DLGAP2: variants seen among roughly 807,000 people sequenced by gnomAD.
The protein encoded by DLGAP2 is DLG associated protein 2.
Under a neutral mutation model 100.3 loss-of-function variants are expected in DLGAP2, and 26 were observed. The ratio of observed to expected loss-of-function variants is 0.26; its 90% CI spans 0.19 to 0.36. DLGAP2 has a LOEUF of 0.36. Ranked by LOEUF, DLGAP2 falls within the 10% of genes least tolerant of loss-of-function variation. The pLI is 1.00. For missense variants in DLGAP2, 1,858 were observed against 1,453.2 expected, an observed-to-expected ratio of 1.28 and a Z score of -4.53; for synonymous variants, 886 against 630.1, an observed-to-expected ratio of 1.41 and a Z score of -6.08.
At chr8:1,289,757 C>T (rs745429050) in intron 3 of DLGAP2, among the ~76,000 whole-genome samples, 13 of 152,166 alleles carry the variant, frequency 8.5e-5, no homozygotes, top group South Asian at 2.1e-4. Context: ...CGGCCTCCCC[C>T]GCGAATGCAG....
chr8:1,275,607 T>A lies in DLGAP2; in HGVS notation c.106+16724T>A, dbSNP rs75915801. ...ACAAAAAGATAATGCAAAACCTCTA[T>A]TTGTAAGAAGTTTATAGGAAAAGGG... On this transcript the variant is annotated intron_variant, in intron 3 of 14. Coordinates refer to ENST00000637795, the MANE Select transcript of DLGAP2 (RefSeq NM_001346810.2). 1.5e-3 allele frequency among the ~76,000 whole-genome samples: 224 copies of A among 150,334 alleles called. 2 individuals carry two copies. The East Asian group carries it at 0.034, about 23-fold the overall frequency.
At chr8:1,525,425 TC>T (rs1800760392) in intron 4 of DLGAP2, among the ~76,000 whole-genome samples, 1 of 152,202 alleles carries the variant, frequency 6.6e-6, no homozygotes, top group African/African-American at 2.4e-5. Flanking sequence ...ATCCATTTTT[TC>T]TGAGCTGCGC....
intron 13 of DLGAP2, among the ~76,000 whole-genome samples, chr8:1,693,875 T>C (rs1368623863): frequency 1.3e-5 from 2 of 152,186 alleles, no homozygotes; most frequent in Non-Finnish European, 2.9e-5. Flanking sequence ...CTGTGAACGT[T>C]CTTGCCTCCT....
At chr8:1,424,539 G>C (rs1797186590) in intron 3 of DLGAP2, among the ~76,000 whole-genome samples, 1 of 152,228 alleles carries the variant, frequency 6.6e-6, no homozygotes, top group South Asian at 2.1e-4. Flanking sequence ...GAACCCTGAG[G>C]ACACTATGCT....
intron 5 of DLGAP2, among the ~76,000 whole-genome samples, chr8:1,564,377 A>G (rs933858003): frequency 2.6e-5 from 4 of 152,132 alleles, no homozygotes; most frequent in Admixed American, 6.5e-5. Context: ...TGTCATCTTC[A>G]TGGTTTACCC....
At chr8:1,143,572 A>G (rs755354220) in intron 2 of DLGAP2, among the ~76,000 whole-genome samples, 3 of 152,172 alleles carry the variant, frequency 2.0e-5, no homozygotes, top group Non-Finnish European at 4.4e-5. Flanking sequence ...CTCAGGACTC[A>G]GCCCCGGGCT....
chr8:1,301,388 C>G (rs907830689), intron 3 of DLGAP2: 1 of 152,214 alleles, frequency 6.6e-6, no homozygotes, highest in Non-Finnish European at 1.5e-5. Context: ...GCTGCAAGTT[C>G]TGCTCTCAAC....
At chr8:1,473,382 G>A (rs1798852730) in intron 3 of DLGAP2, among the ~76,000 whole-genome samples, 1 of 152,252 alleles carries the variant, frequency 6.6e-6, no homozygotes, top group Non-Finnish European at 1.5e-5. Context: ...AGCCTGCAGT[G>A]AGGGAGAATC....
chr8:1,079,961 A>G (rs1054806655), intron 2 of DLGAP2, among the ~76,000 whole-genome samples: 1 of 152,178 alleles, frequency 6.6e-6, no homozygotes, highest in African/African-American at 2.4e-5. Flanking sequence ...CTCCTCTCTA[A>G]CGTGGGTCCT....
chr8:1,047,232 A>G (rs1802540818), intron 2 of DLGAP2, among the ~76,000 whole-genome samples: 1 of 152,218 alleles, frequency 6.6e-6, no homozygotes, highest in South Asian at 2.1e-4. Flanking sequence ...GAAAGGAAAC[A>G]TACAATATGC....
intron 2 of DLGAP2, among the ~76,000 whole-genome samples, chr8:1,081,915 T>A (rs1216475333): frequency 6.6e-6 from 1 of 152,160 alleles, no homozygotes; most frequent in Non-Finnish European, 1.5e-5. Flanking sequence ...CCTGGCCACT[T>A]ACTCCCCAAT....
intron 2 of DLGAP2, among the ~76,000 whole-genome samples, chr8:1,142,659 CAGCTGTTCCGTTGGCCGTTGG>C (rs879502833): frequency 5.1e-4 from 78 of 152,236 alleles, no homozygotes; most frequent in Non-Finnish European, 7.6e-4. Flanking sequence ...GAAGTGGTAA[CAGCTGTTCCGTTGGCCGTTGG>C]AACGGCTTTG....
In DLGAP2 at chr8:1,325,244, G is replaced by T. The variant is rs1052329932; in HGVS notation, c.106+66361G>T. The stretch of plus-strand genomic sequence containing the variant: ...TGTCGCAATGAGACAGTCATTCCAC[G>T]ACCCCAAGAGTGAGATGTCCGATGG... On this transcript the variant is annotated intron_variant, in intron 3 of 14. Transcript: ENST00000637795. 4.6e-5 allele frequency among the ~76,000 whole-genome samples: 7 copies of T among 152,172 alleles called. 1 individual carries two copies. The highest frequency in any genetic ancestry group is 1.7e-4 in the African/African-American group (7 of 41,446).
In DLGAP2 at chr8:1,422,365, G is replaced by A. The variant is rs568085101; in HGVS notation, c.107-79001G>A. Among the ~76,000 whole-genome samples the A allele has an allele frequency of 3.3e-5, 5 of 152,272 alleles. No homozygotes were observed. In the East Asian group the frequency reaches 7.7e-4, roughly 24 times the overall value. ...TGTGAAATTTCCGTCCACTGCAAGC[G>A]AAGTTACACAACTCAAGTCTTAATG... is the stretch of plus-strand genomic sequence containing the variant. On this transcript the variant is annotated intron_variant, in intron 3 of 14. Transcript: ENST00000637795.
chr8:876,666 C>T (rs1797691456), intron 1 of DLGAP2, among the ~76,000 whole-genome samples: 1 of 152,088 alleles, frequency 6.6e-6, no homozygotes, highest in Admixed American at 6.6e-5. Context: ...TGGATGTGTA[C>T]ATTATTGTTT....
chr8:980,786 G>GCTGAGC (rs1231674554), intron 2 of DLGAP2, among the ~76,000 whole-genome samples: 1 of 152,114 alleles, frequency 6.6e-6, no homozygotes, highest in Admixed American at 6.6e-5. Context: ...ACAGGTGGCA[G>GCTGAGC]CTGAGCGTTT....
chr8:1,384,289 G>A (rs949211921), intron 3 of DLGAP2, among the ~76,000 whole-genome samples: 4 of 152,196 alleles, frequency 2.6e-5, no homozygotes, highest in African/African-American at 7.2e-5. Context: ...CTCCTCTGCC[G>A]TGGCCTATGC....
At chr8:1,096,577 T>C (rs557141028) in intron 2 of DLGAP2, among the ~76,000 whole-genome samples, 191 of 118,800 alleles carry the variant, frequency 1.6e-3, no homozygotes, top group South Asian at 0.012. Context: ...GCTGGGAGCC[T>C]AGGGCAGGCC....
chr8:983,648 A>G (rs572723892), intron 2 of DLGAP2, among the ~76,000 whole-genome samples: 5 of 152,280 alleles, frequency 3.3e-5, no homozygotes, highest in African/African-American at 1.2e-4. Flanking sequence ...TTTTTTAATT[A>G]AAAGAAGTTT....
Sources: gnomAD v4.1 joint callset for allele counts (sites outside exome capture counted in the v4.1 genomes callset) on GRCh38, gnomAD v4.1.1 for gene constraint, MANE v1.5 for transcripts, NCBI Gene and HGNC (gene_info 2026-07-23, HGNC 2026-07-21) for gene names.